Variants in CFAP299 observed in about 807,000 individuals in gnomAD.
CFAP299 encodes the protein cilia- and flagella-associated protein 299.
A neutral mutation model predicts 27.0 loss-of-function variants in CFAP299; 21 were observed. The ratio of observed to expected loss-of-function variants is 0.78; its 90% confidence interval spans 0.55 to 1.12. The LOEUF (loss-of-function observed/expected upper bound fraction) is 1.12, where lower values mean the gene tolerates loss of function less well. Among genes scored for constraint, CFAP299 ranks in the 50% most tolerant of loss-of-function variants. The pLI, the probability that CFAP299 is intolerant of heterozygous loss-of-function variation, is 0.00. For synonymous variants in CFAP299, 104 were observed against 98.1 expected (o/e 1.06, Z -0.36); for missense variants, 310 against 276.6 (o/e 1.12, Z -0.86).
intron 2 of CFAP299, among the ~76,000 whole-genome samples, chr4:80,395,839 A>T (rs1187299631): frequency 6.6e-6 from 1 of 152,202 alleles, no homozygotes; most frequent in African/African-American, 2.4e-5. Context: ...AGTAGTAAAC[A>T]TTCTTCAAAA....
rs569763865 is a variant in CFAP299, at chr4:80,346,930, G to A, written c.111+11051G>A. ...TCATGGAATGTTCTTCCATTTGTTT[G>A]TGTCCTCTTTTATTTTGTTGAGCAG... On this transcript the variant is annotated intron_variant, in intron 1 of 5. Transcript: ENST00000358105. Among the ~76,000 whole-genome samples, 706 of 152,226 alleles carry A rather than the reference G, an allele frequency of 4.6e-3. 2 individuals are homozygous for A. Among genetic ancestry groups the A allele is most frequent in the Non-Finnish European group, 8.2e-3 (561 of 68,012 alleles).
chr4:80,609,950 T>C (rs1269357804), intron 3 of CFAP299, among the ~76,000 whole-genome samples: 2 of 152,090 alleles, frequency 1.3e-5, no homozygotes, highest in African/African-American at 2.4e-5. Flanking sequence ...CCAAATGCAC[T>C]TTAATAGGCC....
intron 2 of CFAP299, among the ~76,000 whole-genome samples, chr4:80,502,636 C>T (rs1352683248): frequency 2.0e-5 from 3 of 151,990 alleles, no homozygotes; most frequent in Non-Finnish European, 2.9e-5. Flanking sequence ...CATGTGAACA[C>T]CTCTTTCTTG....
In CFAP299 at chr4:80,431,649, C is replaced by T. The variant is rs545199096; in HGVS notation, c.242+68765C>T. 5.9e-4 allele frequency among the ~76,000 whole-genome samples: 90 copies of T among 152,192 alleles called. 1 individual carries two copies. The highest frequency in any genetic ancestry group is 1.9e-3 in the African/African-American group (77 of 41,522). On this transcript the variant is annotated intron_variant, in intron 2 of 5. Coordinates refer to ENST00000358105, the MANE Select transcript of CFAP299 (RefSeq NM_152770.3). Reference sequence around the variant, plus strand: ...CTAGCCCTCTGTTTGGATTGGCAGCCGCTTGGTTATAGGGAAAAGCTGTGT... The same window carrying T: ...CTAGCCCTCTGTTTGGATTGGCAGCTGCTTGGTTATAGGGAAAAGCTGTGT...
chr4:80,910,320 T>A (rs559290952), intron 4 of CFAP299, among the ~76,000 whole-genome samples: 7 of 152,082 alleles, frequency 4.6e-5, no homozygotes, highest in Non-Finnish European at 8.8e-5. Context: ...CCCAGCAGCC[T>A]CATTACTGGG....
intron 2 of CFAP299, among the ~76,000 whole-genome samples, chr4:80,385,534 GTTGTA>G (rs1214392144): frequency 1.2e-4 from 18 of 152,138 alleles, no homozygotes; most frequent in Admixed American, 6.5e-4. Flanking sequence ...CTGTGAGGTA[GTTGTA>G]TTGTAAGCCC....
At chr4:80,420,562 A>G (rs1001771495) in intron 2 of CFAP299, among the ~76,000 whole-genome samples, 3 of 152,126 alleles carry the variant, frequency 2.0e-5, no homozygotes, top group East Asian at 3.8e-4. Flanking sequence ...ACCCATTTGT[A>G]TATCTTTTTA....
At chr4:80,908,658 C>G (rs1377359054) in intron 4 of CFAP299, among the ~76,000 whole-genome samples, 1 of 152,122 alleles carries the variant, frequency 6.6e-6, no homozygotes, top group Non-Finnish European at 1.5e-5. Flanking sequence ...CATAAATGTG[C>G]AAACCAAATT....
chr4:80,951,702 G>A (rs997771713), intron 5 of CFAP299, among the ~76,000 whole-genome samples: 1 of 152,150 alleles, frequency 6.6e-6, no homozygotes, highest in Non-Finnish European at 1.5e-5. Context: ...TAACCCTAAA[G>A]ATTAGCTGGA....
intron 3 of CFAP299, among the ~76,000 whole-genome samples, chr4:80,749,242 C>T (rs78425415): frequency 0.011 from 1,712 of 152,168 alleles, 34 homozygotes; most frequent in African/African-American, 0.038. Context: ...GCTTTGAAAT[C>T]GACAGCCTGG....
intron 3 of CFAP299, among the ~76,000 whole-genome samples, chr4:80,762,517 T>A (rs960285370): frequency 1.3e-5 from 2 of 151,946 alleles, no homozygotes; most frequent in African/African-American, 4.8e-5. Context: ...GGAAATAAGG[T>A]TAGTAATTTT....
chr4:80,677,193 T>C (rs1237630834), intron 3 of CFAP299, among the ~76,000 whole-genome samples: 1 of 152,124 alleles, frequency 6.6e-6, no homozygotes, highest in African/African-American at 2.4e-5. Flanking sequence ...CTTCTTTATT[T>C]CTTCATTCAC....
intron 3 of CFAP299, among the ~76,000 whole-genome samples, chr4:80,649,574 A>T (rs1238408000): frequency 6.6e-6 from 1 of 152,180 alleles, no homozygotes. Flanking sequence ...TAAAATTTAA[A>T]TTAAGAAATA....
chr4:80,856,060 C>T (rs1731860767), intron 3 of CFAP299, among the ~76,000 whole-genome samples: 1 of 151,132 alleles, frequency 6.6e-6, no homozygotes, highest in African/African-American at 2.5e-5. Context: ...ACATCCTCTC[C>T]AGCACCTGTT....
chr4:80,836,578 T>C (rs1730571886), intron 3 of CFAP299, among the ~76,000 whole-genome samples: 1 of 152,190 alleles, frequency 6.6e-6, no homozygotes, highest in South Asian at 2.1e-4. Context: ...CTGGGAAAGG[T>C]TGTTCCTCTT....
intron 3 of CFAP299, among the ~76,000 whole-genome samples, chr4:80,853,123 A>T (rs1291180056): frequency 6.6e-6 from 1 of 152,062 alleles, no homozygotes; most frequent in African/African-American, 2.4e-5. Flanking sequence ...CTCCGCCTCC[A>T]GGATTCAATT....
intron 3 of CFAP299, among the ~76,000 whole-genome samples, chr4:80,813,405 A>G (rs976252028): frequency 1.3e-5 from 2 of 151,998 alleles, no homozygotes; most frequent in Non-Finnish European, 2.9e-5. Context: ...TCTTAAAACT[A>G]TATTAGATTA....
At chr4:80,893,439 A>G (rs1316577771) in intron 4 of CFAP299, among the ~76,000 whole-genome samples, 1 of 151,990 alleles carries the variant, frequency 6.6e-6, no homozygotes, top group Non-Finnish European at 1.5e-5. Flanking sequence ...AAGAGGAGCA[A>G]AATTGTAGGC....
chr4:80,890,284 G>A (rs1030477257), intron 4 of CFAP299, among the ~76,000 whole-genome samples: 6 of 151,986 alleles, frequency 3.9e-5, no homozygotes, highest in African/African-American at 9.7e-5. Flanking sequence ...ATAAAGTTGC[G>A]TGATACAAAA....
Sources: gnomAD v4.1 joint callset for allele counts (sites outside exome capture counted in the v4.1 genomes callset) on GRCh38, gnomAD v4.1.1 for gene constraint, MANE v1.5 for transcripts, NCBI Gene and HGNC (gene_info 2026-07-23, HGNC 2026-07-21) for gene names.